The following DNER variants were observed in gnomAD, a reference collection of about 807,000 sequenced individuals.
The protein encoded by DNER is delta/notch like EGF repeat containing.
In DNER, 33 loss-of-function variants were observed where a neutral mutation model predicts 78.2. That is an observed-to-expected ratio of 0.42 (90% CI 0.32 to 0.56). The LOEUF (loss-of-function observed/expected upper bound fraction) is 0.56, where lower values mean the gene tolerates loss of function less well. DNER is among the 20% of genes least tolerant of loss of function. The pLI, the probability that DNER is intolerant of heterozygous loss-of-function variation, is 0.11. For synonymous variants in DNER, 417 were observed against 384.8 expected (o/e 1.08, Z -0.98); for missense variants, 918 against 975.3 (o/e 0.94, Z 0.78).
At chr2:229,709,916 C>G (rs1158843345) in intron 1 of DNER, among the ~76,000 whole-genome samples, 1 of 152,168 alleles carries the variant, frequency 6.6e-6, no homozygotes, top group Non-Finnish European at 1.5e-5. Flanking sequence ...GTATCACTCA[C>G]CACAAAAGAA....
intron 1 of DNER, among the ~76,000 whole-genome samples, chr2:229,625,886 GTTTTTGTTGTTT>G (rs1698330955): frequency 4.3e-5 from 1 of 23,128 alleles, no homozygotes; most frequent in Non-Finnish European, 1.1e-4. Context: ...ATGCAACTTT[GTTTTTGTTGTTT>G]TTGTTGTTGT....
At chr2:229,592,024 T>A in intron 1 of DNER, 136 bp from the exon 2 acceptor site, 2 of 1,191,996 alleles carry the variant, frequency 1.7e-6, no homozygotes, top group South Asian at 1.7e-5. Flanking sequence ...CTTAACTACT[T>A]GTGCTGTTGT....
intron 7 of DNER, among the ~76,000 whole-genome samples, chr2:229,453,247 C>G (rs912334078): frequency 2.6e-5 from 4 of 152,290 alleles, no homozygotes; most frequent in Middle Eastern, 6.8e-3. Flanking sequence ...TAATAAGAAG[C>G]AGCAATAATT....
chr2:229,457,916 T>A (rs914737677), intron 7 of DNER, among the ~76,000 whole-genome samples: 25 of 151,472 alleles, frequency 1.7e-4, no homozygotes, highest in African/African-American at 6.1e-4. Flanking sequence ...GGTGGGCAGA[T>A]CACGAGGTGA....
chr2:229,659,194 T>C (rs1302380360), intron 1 of DNER, among the ~76,000 whole-genome samples: 1 of 152,156 alleles, frequency 6.6e-6, no homozygotes, highest in South Asian at 2.1e-4. Context: ...TCTGAAGATA[T>C]TGGAAAACAT....
intron 5 of DNER, among the ~76,000 whole-genome samples, chr2:229,513,371 G>A (rs547628040): frequency 2.0e-5 from 3 of 152,272 alleles, no homozygotes; most frequent in African/African-American, 4.8e-5. Context: ...AACCCAGACC[G>A]TCCTTTCAGA....
intron 7 of DNER, among the ~76,000 whole-genome samples, chr2:229,468,348 T>C (rs776812019): frequency 2.6e-5 from 4 of 152,188 alleles, no homozygotes; most frequent in African/African-American, 7.2e-5. Flanking sequence ...AGCCTCTGGC[T>C]CCAAGAGTCT....
chr2:229,396,129 A>G (rs1028554481), intron 10 of DNER, among the ~76,000 whole-genome samples: 2 of 152,144 alleles, frequency 1.3e-5, no homozygotes, highest in Non-Finnish European at 2.9e-5. Flanking sequence ...TTATAAATCT[A>G]TAAGATCTGC....
intron 1 of DNER, among the ~76,000 whole-genome samples, chr2:229,658,039 A>G (rs1698940934): frequency 6.6e-6 from 1 of 152,232 alleles, no homozygotes; most frequent in South Asian, 2.1e-4. Context: ...TTGGAATTGA[A>G]CAGAATGCTG....
chr2:229,617,478 A>G (rs1559184301), intron 1 of DNER, among the ~76,000 whole-genome samples: 1 of 152,218 alleles, frequency 6.6e-6, no homozygotes, highest in Admixed American at 6.5e-5. Context: ...AGTCTTCTGA[A>G]AAAGGCTCTT....
chr2:229,552,994 T>C lies in DNER; in HGVS notation c.848-5902A>G, dbSNP rs527484847. 3.9e-5 allele frequency among the ~76,000 whole-genome samples: 6 copies of C among 152,280 alleles called. No individual in the cohort carries two copies. The South Asian group carries it at 1.0e-3, about 26-fold the overall frequency. ...GCCATGTGCTTTGGAAATGCACCAATGCATGAAGAACCACCAGGGTTACAT... is the reference window on the plus strand; with the variant it reads ...GCCATGTGCTTTGGAAATGCACCAACGCATGAAGAACCACCAGGGTTACAT... On this transcript the variant is annotated intron_variant, in intron 4 of 12. Coordinates refer to ENST00000341772, the MANE Select transcript of DNER (RefSeq NM_139072.4).
At chr2:229,502,374 A>G (rs1233444005) in intron 6 of DNER, among the ~76,000 whole-genome samples, 1 of 152,130 alleles carries the variant, frequency 6.6e-6, no homozygotes, top group Non-Finnish European at 1.5e-5. Context: ...GATGGGCTGA[A>G]CCTAGATACG....
intron 1 of DNER, among the ~76,000 whole-genome samples, chr2:229,704,237 C>T (rs1420680983): frequency 6.6e-6 from 1 of 152,206 alleles, no homozygotes; most frequent in African/African-American, 2.4e-5. Flanking sequence ...AACTGGAAGC[C>T]TCATTTATTG....
chr2:229,364,433 C>T (rs552903469), intron 12 of DNER, among the ~76,000 whole-genome samples: 6 of 152,220 alleles, frequency 3.9e-5, no homozygotes, highest in African/African-American at 1.4e-4. Context: ...CATAAAGAGT[C>T]AAATAAACAA....
At chr2:229,516,883 G>T (rs199530356) in intron 5 of DNER, among the ~76,000 whole-genome samples, 1 of 151,298 alleles carries the variant, frequency 6.6e-6, no homozygotes, top group Non-Finnish European at 1.5e-5. Flanking sequence ...CGAGGTGGGC[G>T]GATCACAAGG....
intron 5 of DNER, among the ~76,000 whole-genome samples, chr2:229,542,798 T>C (rs62192055): frequency 6.7e-6 from 1 of 148,746 alleles, no homozygotes; most frequent in Non-Finnish European, 1.5e-5. Flanking sequence ...AAAAAAAAGA[T>C]TTTCCATTCC....
intron 10 of DNER, among the ~76,000 whole-genome samples, chr2:229,389,613 G>A (rs1364626029): frequency 1.3e-5 from 2 of 152,136 alleles, no homozygotes; most frequent in African/African-American, 4.8e-5. Flanking sequence ...GTACACTCAA[G>A]TGATTACTTC....
rs114483274 is a variant in DNER, at chr2:229,638,884, G to A, written c.277-46996C>T. ...AGAAAATAAATTCCAAAGAAATTAGGTTCCTAATCCAAAAACACCAAAAGC... is the reference window on the plus strand; with the variant it reads ...AGAAAATAAATTCCAAAGAAATTAGATTCCTAATCCAAAAACACCAAAAGC... On this transcript the variant is annotated intron_variant, in intron 1 of 12. Transcript: ENST00000341772. Among the ~76,000 whole-genome samples the A allele has an allele frequency of 4.9e-3, 743 of 152,240 alleles. 7 individuals carry two copies. The highest frequency in any genetic ancestry group is 0.017 in the African/African-American group (690 of 41,542).
chr2:229,603,399 A>T (rs1697869431), intron 1 of DNER, among the ~76,000 whole-genome samples: 1 of 152,194 alleles, frequency 6.6e-6, no homozygotes, highest in South Asian at 2.1e-4. Context: ...GTACCCTAAA[A>T]CTTAAAGTAT....
Sources: gnomAD v4.1 joint callset for allele counts (sites outside exome capture counted in the v4.1 genomes callset) on GRCh38, gnomAD v4.1.1 for gene constraint, MANE v1.5 for transcripts, NCBI Gene and HGNC (gene_info 2026-07-23, HGNC 2026-07-21) for gene names.